The following NIM1K variants were observed in gnomAD, a reference collection of about 807,000 sequenced individuals.
NIM1K encodes NIM1 serine/threonine protein kinase, also known as serine/threonine-protein kinase NIM1.
A neutral mutation model predicts 37.1 loss-of-function variants in NIM1K; 35 were observed. The ratio of observed to expected loss-of-function variants is 0.94; its 90% CI spans 0.72 to 1.25. NIM1K has a LOEUF of 1.25. Ranked by LOEUF, NIM1K falls within the 50% of genes most tolerant of loss-of-function variation. NIM1K has a pLI of 0.00. For missense variants in NIM1K, 564 were observed against 548.0 expected, an observed-to-expected ratio of 1.03 and a Z score of -0.29; for synonymous variants, 234 against 206.6, an observed-to-expected ratio of 1.13 and a Z score of -1.14.
rs577301076 is a variant in NIM1K, at chr5:43,224,825, A to G, written c.-694-20257A>G. Among the ~76,000 whole-genome samples the G allele has an allele frequency of 3.3e-5, 5 of 151,512 alleles. No individual in the cohort carries two copies. The East Asian group carries it at 7.8e-4, about 24-fold the overall frequency. ...AATTCTCTGCCTCAGCCTCCCAAGT[A>G]GCTGCGATTACAGGCGTCCACCATC... On this transcript the variant is annotated intron_variant, in intron 1 of 3. Coordinates refer to ENST00000326035, the MANE Select transcript of NIM1K (RefSeq NM_153361.4).
At chr5:43,252,457 G>A (rs1752879233) in intron 2 of NIM1K, among the ~76,000 whole-genome samples, 1 of 152,122 alleles carries the variant, frequency 6.6e-6, no homozygotes, top group African/African-American at 2.4e-5. Context: ...GCCCAGAATT[G>A]TCATCCGGTT....
At chr5:43,230,501 T>G (rs1752522210) in intron 1 of NIM1K, among the ~76,000 whole-genome samples, 1 of 152,084 alleles carries the variant, frequency 6.6e-6, no homozygotes, top group Admixed American at 6.5e-5. Flanking sequence ...GGAAATACAG[T>G]CCTCAGTTGG....
At chr5:43,268,696 G>C (rs1753206949) in intron 2 of NIM1K, among the ~76,000 whole-genome samples, 1 of 152,160 alleles carries the variant, frequency 6.6e-6, no homozygotes, top group Non-Finnish European at 1.5e-5. Flanking sequence ...CACCTTAGCA[G>C]AATTCAGGCT....
At chr5:43,260,786 A>ACC (rs1753015851) in intron 2 of NIM1K, among the ~76,000 whole-genome samples, 1 of 150,622 alleles carries the variant, frequency 6.6e-6, no homozygotes, top group Admixed American at 6.6e-5. Flanking sequence ...ACAGGCCCGG[A>ACC]TGTGTGATGT....
intron 2 of NIM1K, among the ~76,000 whole-genome samples, chr5:43,276,221 G>A (rs1753337893): frequency 6.6e-6 from 1 of 152,204 alleles, no homozygotes; most frequent in Admixed American, 6.5e-5. Flanking sequence ...AGAAAAAAAG[G>A]TTTTATTAGC....
At chr5:43,246,355 CATACCATGCAG>C (rs1298668918) in intron 2 of NIM1K, among the ~76,000 whole-genome samples, 3 of 151,788 alleles carry the variant, frequency 2.0e-5, no homozygotes, top group Admixed American at 6.6e-5. Context: ...ACCCTTCCAC[CATACCATGCAG>C]ATAAACCCAC....
intron 1 of NIM1K, among the ~76,000 whole-genome samples, chr5:43,228,668 A>G (rs1389914886): frequency 6.6e-6 from 1 of 151,420 alleles, no homozygotes; most frequent in Non-Finnish European, 1.5e-5. Context: ...CTACAAAAAA[A>G]AAAACCCTAA....
chr5:43,234,170 G>A (rs898461287), intron 1 of NIM1K, among the ~76,000 whole-genome samples: 7 of 152,232 alleles, frequency 4.6e-5, no homozygotes, highest in Admixed American at 3.3e-4. Context: ...CTTAGTTTTG[G>A]TTTTGGTTTT....
chr5:43,250,368 C>T (rs1752851280), intron 2 of NIM1K, among the ~76,000 whole-genome samples: 1 of 152,122 alleles, frequency 6.6e-6, no homozygotes, highest in South Asian at 2.1e-4. Context: ...TATTGGTTAA[C>T]ATTTGGATCA....
intron 2 of NIM1K, among the ~76,000 whole-genome samples, chr5:43,258,465 A>G (rs1273228998): frequency 4.7e-5 from 7 of 149,842 alleles, no homozygotes; most frequent in African/African-American, 1.7e-4. Flanking sequence ...TTTTTGAGGC[A>G]GGGTTTTGCT....
chr5:43,237,545 G>A (rs1170823057), intron 1 of NIM1K, among the ~76,000 whole-genome samples: 1 of 152,138 alleles, frequency 6.6e-6, no homozygotes, highest in Non-Finnish European at 1.5e-5. Flanking sequence ...TTAGGTATGT[G>A]ATCACTTCCG....
chr5:43,260,759 C>T (rs182014211), intron 2 of NIM1K, among the ~76,000 whole-genome samples: 3 of 152,110 alleles, frequency 2.0e-5, no homozygotes, highest in Non-Finnish European at 2.9e-5. Flanking sequence ...ATCCCTCCCC[C>T]CTTCCCCCAC....
In NIM1K at chr5:43,277,248, A is replaced by G. The variant is rs1440420018; in HGVS notation, c.484A>G (p.Ile162Val). ...YAGGGELFGK[I>V]STEGKLSEPE... ...AGGGGGTGGGGAGCTCTTCGGAAAA[A>G]TTAGCACTGAGGGGAAGCTCTCTGA... The change falls in exon 3 of 4, where the codon ATT (isoleucine) becomes GTT (valine). Residue 162 changes from isoleucine to valine, a missense_variant. By Grantham distance (29) the Ile-to-Val change is conservative. Transcript: ENST00000326035. 13 of 1,613,944 alleles carry G rather than the reference A, an allele frequency of 8.1e-6. No homozygotes were observed. Among genetic ancestry groups the G allele is most frequent in the Non-Finnish European group, 1.1e-5 (13 of 1,180,006 alleles).
In NIM1K at chr5:43,246,019, AG is replaced by A. The variant is rs752510652; in HGVS notation, c.245del (p.Ser82MetfsTer7). The A allele has an allele frequency of 1.9e-6, 3 of 1,613,942 alleles. No homozygotes were observed. The African/African-American group carries it at 4.0e-5, about 22-fold the overall frequency. On this transcript the variant is annotated frameshift_variant, in exon 2 of 4. Coordinates refer to ENST00000326035, the MANE Select transcript of NIM1K (RefSeq NM_153361.4). LOFTEE classifies it high-confidence loss of function. ...CTACCGAATTCGAGGGGAAATCGGA[AG>A]TGGAAACTTCTCCCAAGTGAAGCTT... is the stretch of plus-strand genomic sequence containing the variant. The part of the protein sequence containing the change: ...GFYRIRGEIG[S>X]GNFSQVKLGI...
chr5:43,201,197 C>G (rs892837124), intron 1 of NIM1K, among the ~76,000 whole-genome samples: 8 of 151,654 alleles, frequency 5.3e-5, no homozygotes, highest in African/African-American at 1.9e-4. Flanking sequence ...ATCATAAGGT[C>G]ATGAGATCGA....
intron 2 of NIM1K, among the ~76,000 whole-genome samples, chr5:43,265,719 C>T (rs1211414184): frequency 1.3e-5 from 2 of 152,218 alleles, no homozygotes; most frequent in Non-Finnish European, 2.9e-5. Flanking sequence ...TTAGAATTTT[C>T]AGCTTTTCTG....
chr5:43,233,925 G>A (rs935080676), intron 1 of NIM1K, among the ~76,000 whole-genome samples: 2 of 152,150 alleles, frequency 1.3e-5, no homozygotes, highest in Admixed American at 1.3e-4. Flanking sequence ...TTTGGAGGCA[G>A]GCATAGGTCC....
intron 1 of NIM1K, among the ~76,000 whole-genome samples, chr5:43,214,318 C>G (rs1003446767): frequency 8.5e-6 from 1 of 118,238 alleles, no homozygotes; most frequent in Non-Finnish European, 1.9e-5. Context: ...TCATCATCAA[C>G]AATAAAAACA....
At chr5:43,216,196 T>A (rs563303786) in intron 1 of NIM1K, among the ~76,000 whole-genome samples, 2 of 152,254 alleles carry the variant, frequency 1.3e-5, no homozygotes, top group East Asian at 3.9e-4. Context: ...TAAGGCTTTT[T>A]CTGAAGACCC....
Sources: gnomAD v4.1 joint callset for allele counts (sites outside exome capture counted in the v4.1 genomes callset) on GRCh38, gnomAD v4.1.1 for gene constraint, MANE v1.5 for transcripts, NCBI Gene and HGNC (gene_info 2026-07-23, HGNC 2026-07-21) for gene names.